Variants in NBEA observed in about 807,000 individuals in gnomAD.
NBEA encodes lysosomal-trafficking regulator 2.
A neutral mutation model predicts 343.4 loss-of-function variants in NBEA; 44 were observed. That is an observed-to-expected ratio of 0.13 (90% CI 0.10 to 0.16). NBEA has a LOEUF of 0.16. Ranked by LOEUF, NBEA falls within the 10% of genes least tolerant of loss-of-function variation. The pLI is 1.00. For synonymous variants in NBEA, 1,175 were observed against 1,238.7 expected, an observed-to-expected ratio of 0.95 and a Z score of 1.08; for missense variants, 2,555 against 3,631.3, an observed-to-expected ratio of 0.70 and a Z score of 7.62.
chr13:34,956,565 A>T (rs866584560), intron 1 of NBEA, among the ~76,000 whole-genome samples: 1 of 152,138 alleles, frequency 6.6e-6, no homozygotes, highest in African/African-American at 2.4e-5. Context: ...CTGGGGTCTA[A>T]TGTGATGTTT....
chr13:35,577,244 A>G (rs541801391), intron 45 of NBEA, among the ~76,000 whole-genome samples: 51 of 152,328 alleles, frequency 3.3e-4, no homozygotes, highest in African/African-American at 1.2e-3. Context: ...TGGATAAAAT[A>G]TTATGATTGA....
chr13:35,443,598 G>C (rs1245065220), intron 39 of NBEA, among the ~76,000 whole-genome samples: 3 of 151,892 alleles, frequency 2.0e-5, no homozygotes, highest in Non-Finnish European at 4.4e-5. Flanking sequence ...AATTTGCTTA[G>C]TAAATACTCA....
chr13:35,156,655 G>C (rs896408516), intron 20 of NBEA, among the ~76,000 whole-genome samples: 2 of 152,116 alleles, frequency 1.3e-5, no homozygotes, highest in African/African-American at 4.8e-5. Flanking sequence ...CATTGCCTGA[G>C]TCTATAATTT....
At chr13:35,136,347 C>T (rs1420468256) in intron 17 of NBEA, among the ~76,000 whole-genome samples, 3 of 152,000 alleles carry the variant, frequency 2.0e-5, no homozygotes, top group Non-Finnish European at 4.4e-5. Flanking sequence ...TTTTTTGAAA[C>T]AAGGAGAATG....
chr13:35,001,770 A>G (rs1214801431), intron 1 of NBEA, among the ~76,000 whole-genome samples: 1 of 152,106 alleles, frequency 6.6e-6, no homozygotes, highest in Non-Finnish European at 1.5e-5. Context: ...GACTATTGTT[A>G]ACAATTTATT....
At chr13:35,647,990 C>T (rs2084320607) in intron 51 of NBEA, among the ~76,000 whole-genome samples, 1 of 152,056 alleles carries the variant, frequency 6.6e-6, no homozygotes, top group African/African-American at 2.4e-5. Flanking sequence ...ATCTTTCTTC[C>T]TCAGTCTTCC....
intron 47 of NBEA, among the ~76,000 whole-genome samples, chr13:35,606,001 A>G (rs1462455765): frequency 1.3e-5 from 2 of 152,142 alleles, no homozygotes; most frequent in East Asian, 1.9e-4. Flanking sequence ...AAAATATGTG[A>G]TCTATTACAA....
chr13:35,608,624 G>T (rs2082382067), intron 48 of NBEA, among the ~76,000 whole-genome samples: 1 of 152,134 alleles, frequency 6.6e-6, no homozygotes, highest in Admixed American at 6.6e-5. Context: ...GAATTATAGA[G>T]GTGTAGTAAT....
At chr13:35,623,227 A>C (rs1165939829) in intron 48 of NBEA, among the ~76,000 whole-genome samples, 2 of 152,210 alleles carry the variant, frequency 1.3e-5, no homozygotes, top group East Asian at 1.9e-4. Context: ...CCCGTTTCAA[A>C]GTGCCAAATA....
At chr13:35,208,562 C>A in intron 31 of NBEA, 138 bp from the exon 32 acceptor site, 1 of 624,068 alleles carries the variant, frequency 1.6e-6, no homozygotes, top group Non-Finnish European at 2.6e-6. Context: ...CAAAGCTGGA[C>A]TAAGGAGTTT....
chr13:35,573,646 T>C (rs1457715032), intron 45 of NBEA, among the ~76,000 whole-genome samples: 1 of 152,114 alleles, frequency 6.6e-6, no homozygotes, highest in African/African-American at 2.4e-5. Context: ...CTTAGCCAGC[T>C]GAATCACCCT....
chr13:35,471,881 GA>G (rs1308443907), intron 40 of NBEA, among the ~76,000 whole-genome samples: 1 of 121,810 alleles, frequency 8.2e-6, no homozygotes, highest in East Asian at 4.2e-4. Context: ...ACCGATATTA[GA>G]TTAATCTTCC....
At chr13:35,146,120 G>C (rs1300067179) in intron 18 of NBEA, among the ~76,000 whole-genome samples, 2 of 152,092 alleles carry the variant, frequency 1.3e-5, no homozygotes, top group Non-Finnish European at 2.9e-5. Context: ...CTGTTTGTCT[G>C]ATACTGGTAT....
chr13:35,605,090 C>G (rs892381048), intron 47 of NBEA, among the ~76,000 whole-genome samples: 1 of 152,060 alleles, frequency 6.6e-6, no homozygotes, highest in Non-Finnish European at 1.5e-5. Context: ...AAGTAAATGT[C>G]AGAGAAATAT....
chr13:35,616,490 G>A (rs777795031), intron 48 of NBEA, among the ~76,000 whole-genome samples: 13 of 152,140 alleles, frequency 8.5e-5, no homozygotes, highest in Non-Finnish European at 1.9e-4. Context: ...CAGTACACAT[G>A]TGATCAATAC....
chr13:35,580,660 C>T (rs1368884419), intron 45 of NBEA, among the ~76,000 whole-genome samples: 1 of 152,102 alleles, frequency 6.6e-6, no homozygotes, highest in Admixed American at 6.6e-5. Context: ...TTATTTATTG[C>T]TGTTTGACTG....
intron 41 of NBEA, among the ~76,000 whole-genome samples, chr13:35,491,846 A>G (rs1422395430): frequency 6.6e-6 from 1 of 152,018 alleles, no homozygotes; most frequent in East Asian, 1.9e-4. Flanking sequence ...ACTAACAGAT[A>G]TGACTATCTT....
chr13:35,151,672 T>G (rs1277757080), intron 18 of NBEA, among the ~76,000 whole-genome samples: 1 of 152,060 alleles, frequency 6.6e-6, no homozygotes, highest in African/African-American at 2.4e-5. Context: ...AATTAATAAA[T>G]TATTTATGTC....
chr13:35,655,506 C>A, intron 54 of NBEA, 73 bp from the exon 55 acceptor site: 7 of 1,398,712 alleles, frequency 5.0e-6, no homozygotes, highest in African/African-American at 1.5e-5. Flanking sequence ...TTTAAAAAAT[C>A]TGATAAAGTT....
Sources: allele counts gnomAD v4.1 joint callset (sites outside exome capture counted in the v4.1 genomes callset), GRCh38; gene constraint gnomAD v4.1.1; transcripts MANE v1.5; gene names NCBI Gene and HGNC (gene_info 2026-07-23, HGNC 2026-07-21).